The following GARNL3 variants were observed in gnomAD, a reference collection of about 807,000 sequenced individuals.
GARNL3 encodes the protein GTPase-activating Rap/Ran-GAP domain-like protein 3.
GARNL3 carries 63 observed loss-of-function variants against 125.0 expected under a neutral mutation model. The observed-to-expected ratio is 0.50, with a 90% CI of 0.41 to 0.62. GARNL3 has a LOEUF of 0.62. GARNL3 is among the 20% of genes least tolerant of loss of function. The pLI, the probability that GARNL3 is intolerant of heterozygous loss-of-function variation, is 0.00. For synonymous variants in GARNL3, 439 were observed against 457.5 expected, an observed-to-expected ratio of 0.96 and a Z score of 0.52; for missense variants, 994 against 1,244.0, an observed-to-expected ratio of 0.80 and a Z score of 3.02.
intron 2 of GARNL3, among the ~76,000 whole-genome samples, chr9:127,255,146 TG>T (rs779728605): frequency 6.6e-6 from 1 of 152,212 alleles, no homozygotes; most frequent in Non-Finnish European, 1.5e-5. Flanking sequence ...GCTTCACTCC[TG>T]GGTATGGAAT....
intron 17 of GARNL3, 127 bp downstream of exon 17, chr9:127,349,162 TA>T (rs2030906447): frequency 1.4e-6 from 1 of 691,760 alleles, no homozygotes; most frequent in African/African-American, 1.8e-5. Flanking sequence ...AGCGAAGTTT[TA>T]TTTCCTTATG....
At chr9:127,334,413 A>G (rs1829436957) in intron 9 of GARNL3, among the ~76,000 whole-genome samples, 1 of 152,102 alleles carries the variant, frequency 6.6e-6, no homozygotes, top group South Asian at 2.1e-4. Context: ...TCATCTTCCC[A>G]CCAGCCTGCC....
chr9:127,352,015 G>C (rs1431294767), intron 17 of GARNL3, among the ~76,000 whole-genome samples: 1 of 152,210 alleles, frequency 6.6e-6, no homozygotes, highest in African/African-American at 2.4e-5. Flanking sequence ...TCTGTACACA[G>C]CTCGGCAGCT....
intron 22 of GARNL3, among the ~76,000 whole-genome samples, chr9:127,368,697 G>T (rs530314652): frequency 5.9e-5 from 9 of 151,636 alleles, no homozygotes; most frequent in African/African-American, 1.7e-4. Context: ...CACTTTGAGA[G>T]GCTGAGGCGG....
chr9:127,275,881 G>A (rs550369924), intron 1 of GARNL3, among the ~76,000 whole-genome samples: 1 of 152,268 alleles, frequency 6.6e-6, no homozygotes, highest in Non-Finnish European at 1.5e-5. Context: ...TTATCGTTGT[G>A]TTGCAGTCTT....
At chr9:127,294,199 A>G (rs1318345338) in intron 2 of GARNL3, among the ~76,000 whole-genome samples, 1 of 152,172 alleles carries the variant, frequency 6.6e-6, no homozygotes, top group Non-Finnish European at 1.5e-5. Context: ...AACATCCTCA[A>G]GCCAAAAAGG....
intron 14 of GARNL3, among the ~76,000 whole-genome samples, chr9:127,342,892 C>CTTTTTTTT (rs59554997): frequency 1.2e-5 from 1 of 81,604 alleles, no homozygotes; most frequent in African/African-American, 4.1e-5. Context: ...GTGCTCTTTT[C>CTTTTTTTT]TTTTTTTTTT....
intron 2 of GARNL3, among the ~76,000 whole-genome samples, chr9:127,292,263 C>T (rs2064445292): frequency 6.6e-6 from 1 of 152,190 alleles, no homozygotes; most frequent in Non-Finnish European, 1.5e-5. Flanking sequence ...TGAATAGGTA[C>T]CCACATACTT....
intron 22 of GARNL3, among the ~76,000 whole-genome samples, chr9:127,377,648 G>A (rs996247408): frequency 2.6e-5 from 4 of 151,788 alleles, no homozygotes; most frequent in East Asian, 1.9e-4. Context: ...TTAGCCGGGC[G>A]TGGTGGCATG....
At chr9:127,338,639 T>C (rs1829683794) in intron 12 of GARNL3, among the ~76,000 whole-genome samples, 1 of 152,080 alleles carries the variant, frequency 6.6e-6, no homozygotes, top group Non-Finnish European at 1.5e-5. Flanking sequence ...GTAATGACAC[T>C]ACCCCGGCAG....
upstream of GARNL3, among the ~76,000 whole-genome samples, chr9:127,261,887 A>G (rs182783250): frequency 7.2e-4 from 110 of 152,090 alleles, no homozygotes; most frequent in African/African-American, 2.4e-3. Context: ...AACGCCTCCA[A>G]TTCTTTCCTG....
intron 2 of GARNL3, among the ~76,000 whole-genome samples, chr9:127,310,773 CAAAAAAAAA>C (rs905120960): frequency 1.2e-3 from 88 of 74,788 alleles, no homozygotes; most frequent in African/African-American, 4.2e-3. Context: ...GACTCTGTCT[CAAAAAAAAA>C]AAAAAAAAAA....
At chr9:127,244,332 C>A (rs1344405990) in intron 2 of GARNL3, among the ~76,000 whole-genome samples, 2 of 152,208 alleles carry the variant, frequency 1.3e-5, no homozygotes, top group African/African-American at 4.8e-5. Flanking sequence ...GAGCATTGAT[C>A]AGGCAAGAGA....
chr9:127,370,478 A>G (rs1227300908), intron 22 of GARNL3, among the ~76,000 whole-genome samples: 1 of 152,192 alleles, frequency 6.6e-6, no homozygotes, highest in Non-Finnish European at 1.5e-5. Context: ...AAACACCCAG[A>G]AGGCCAGACC....
In GARNL3 at chr9:127,266,654, T is replaced by A. The variant is rs1259516745; in HGVS notation, c.144+1633T>A. ...ATTTCTGTTATCTACCTTAGAGGGTTGTTATGAGGATTAAATGAGATCATG... is the reference window on the plus strand; with the variant it reads ...ATTTCTGTTATCTACCTTAGAGGGTAGTTATGAGGATTAAATGAGATCATG... On this transcript the variant is annotated intron_variant, in intron 1 of 27. Transcript: ENST00000373387. The surrounding 1 kb of genome is among the most constrained non-coding windows in gnomAD (Gnocchi z 4.0). Among the ~76,000 whole-genome samples the A allele has an allele frequency of 6.6e-6, 1 of 152,214 alleles. No homozygotes were observed. Among genetic ancestry groups the A allele is most frequent in the African/African-American group, 2.4e-5 (1 of 41,454 alleles).
At chr9:127,245,229 G>A (rs1465181117) in intron 2 of GARNL3, 1 of 152,354 alleles carries the variant, frequency 6.6e-6, no homozygotes, top group African/African-American at 2.4e-5. Flanking sequence ...ACGTGTAACA[G>A]GGGCGGGCGG....
At chr9:127,318,273 G>A in intron 5 of GARNL3, 146 bp downstream of exon 5, 1 of 668,066 alleles carries the variant, frequency 1.5e-6, no homozygotes. Context: ...GACATGACGT[G>A]CATCACCTCG....
chr9:127,324,626 A>T (rs1164490153), intron 6 of GARNL3, among the ~76,000 whole-genome samples: 2 of 152,244 alleles, frequency 1.3e-5, no homozygotes, highest in Admixed American at 6.5e-5. Context: ...ATAAGTTTAC[A>T]AACTTTTATA....
rs745539726 is a variant in GARNL3 at position 127,318,057 on chromosome 9, T to C, written c.439-6T>C. On this transcript the variant is annotated splice_polypyrimidine_tract_variant and splice_region_variant and intron_variant, in intron 4 of 27. Transcript: ENST00000373387. ...TGTCACTGATTTGATGTTTGGACTTTTCCAGGGTACCCAGAAAATATGCCT... is the reference window on the plus strand; with the variant it reads ...TGTCACTGATTTGATGTTTGGACTTCTCCAGGGTACCCAGAAAATATGCCT... 1 of 1,593,114 alleles carries C rather than the reference T, an allele frequency of 6.3e-7. No homozygotes were observed. The highest frequency in any genetic ancestry group is 1.1e-5 in the South Asian group (1 of 90,582).
Sources: allele counts gnomAD v4.1 joint callset (sites outside exome capture counted in the v4.1 genomes callset), GRCh38; gene constraint gnomAD v4.1.1; non-coding constraint Gnocchi (gnomAD v3.1); transcripts MANE v1.5; gene names NCBI Gene and HGNC (gene_info 2026-07-23, HGNC 2026-07-21).